Variants in NCAM2 observed in about 807,000 individuals in gnomAD.
NCAM2 encodes the protein N-CAM-2.
In NCAM2, 30 loss-of-function variants were observed where a neutral mutation model predicts 98.1. The observed-to-expected ratio is 0.31, with a 90% confidence interval of 0.23 to 0.41. The LOEUF (loss-of-function observed/expected upper bound fraction) is 0.41, where lower values mean the gene tolerates loss of function less well. NCAM2 is among the 10% of genes least tolerant of loss of function. The pLI is 1.00. For missense variants in NCAM2, 867 were observed against 1,005.8 expected, an observed-to-expected ratio of 0.86 and a Z score of 1.87; for synonymous variants, 368 against 342.4, an observed-to-expected ratio of 1.07 and a Z score of -0.83.
At chr21:21,487,291 A>G (rs1986468676) in intron 15 of NCAM2, among the ~76,000 whole-genome samples, 2 of 152,086 alleles carry the variant, frequency 1.3e-5, no homozygotes, top group Non-Finnish European at 2.9e-5. Context: ...TGGCTTTACT[A>G]TTATTTCATC....
intron 1 of NCAM2, among the ~76,000 whole-genome samples, chr21:21,197,700 G>A (rs1002567374): frequency 6.6e-6 from 1 of 152,118 alleles, no homozygotes; most frequent in Non-Finnish European, 1.5e-5. Context: ...TTTCTCTTAT[G>A]AAGGATAAGC....
chr21:21,378,045 C>T (rs965205150), intron 9 of NCAM2, among the ~76,000 whole-genome samples: 3 of 152,010 alleles, frequency 2.0e-5, no homozygotes, highest in African/African-American at 7.2e-5. Flanking sequence ...TAGTATTCCA[C>T]TGTGTATCTA....
intron 1 of NCAM2, among the ~76,000 whole-genome samples, chr21:21,179,873 A>T (rs901497562): frequency 6.6e-5 from 10 of 152,226 alleles, no homozygotes; most frequent in Non-Finnish European, 1.5e-4. Context: ...TTGATGTGTA[A>T]CAAAACAAAA....
At chr21:21,015,435 A>G (rs968761572) in intron 1 of NCAM2, among the ~76,000 whole-genome samples, 1 of 152,226 alleles carries the variant, frequency 6.6e-6, no homozygotes, top group African/African-American at 2.4e-5. Flanking sequence ...AAGACCCTCT[A>G]CCAGCTAAAG....
chr21:21,542,833 GAT>G lies in NCAM2; in HGVS notation c.*4878_*4879del, dbSNP rs1990285425. The G allele has an allele frequency of 6.6e-6, 1 of 151,822 alleles. No individual in the cohort carries two copies. The highest frequency in any genetic ancestry group is 2.1e-4 in the South Asian group (1 of 4,830). The allele number at this position is 151,822 out of a possible 1,614,324, so 9.4% of individuals were successfully genotyped here. On this transcript the variant is annotated 3_prime_UTR_variant, in exon 18 of 18. Transcript: ENST00000400546. Reference sequence around the variant, plus strand: ...TAACACAGAGGAGAAAGTTAACAGAGATAGAATCTATGATTTAATTTTGCAAA... The same window carrying G: ...TAACACAGAGGAGAAAGTTAACAGAGAGAATCTATGATTTAATTTTGCAAA...
At chr21:21,275,240 A>G (rs2072682019) in intron 1 of NCAM2, among the ~76,000 whole-genome samples, 1 of 151,756 alleles carries the variant, frequency 6.6e-6, no homozygotes, top group Non-Finnish European at 1.5e-5. Flanking sequence ...GGAGATTGAG[A>G]CCATCCTGGC....
chr21:21,260,003 A>T (rs924675184), intron 1 of NCAM2, among the ~76,000 whole-genome samples: 2 of 151,534 alleles, frequency 1.3e-5, no homozygotes, highest in African/African-American at 4.9e-5. Context: ...TAGCTATATT[A>T]AAAAAATAGA....
At chr21:21,281,866 TAG>T (rs1459998107) in intron 2 of NCAM2, among the ~76,000 whole-genome samples, 2 of 151,618 alleles carry the variant, frequency 1.3e-5, no homozygotes, top group African/African-American at 2.4e-5. Context: ...TTTATAAATA[TAG>T]AGATATAATA....
chr21:21,017,517 G>T (rs1174756269), intron 1 of NCAM2, among the ~76,000 whole-genome samples: 1 of 150,416 alleles, frequency 6.6e-6, no homozygotes, highest in African/African-American at 2.4e-5. Context: ...GATTTGAAAT[G>T]GACCGATGAG....
At position 21,284,240 on chromosome 21, in the gene NCAM2, G is replaced by C; in HGVS notation, c.177G>C (p.Glu59Asp). The change falls in exon 3 of 18, where the codon GAG becomes GAC. Residue 59 changes from glutamate to aspartate, a missense_variant. Coordinates refer to ENST00000400546, the MANE Select transcript of NCAM2 (RefSeq NM_004540.5). ...TAGATTGGTATAATCCTCAAGGAGA[G>C]AAGATAATTTCAACACAGAGGGTAG... ...ESIDWYNPQG[E>D]KIISTQRVVV... The C allele has an allele frequency of 1.2e-6, 2 of 1,612,690 alleles. No individual in the cohort carries two copies. The highest frequency in any genetic ancestry group is 1.1e-5 in the South Asian group (1 of 91,048).
At chr21:21,355,250 A>G (rs1484145414) in intron 8 of NCAM2, among the ~76,000 whole-genome samples, 2 of 151,878 alleles carry the variant, frequency 1.3e-5, no homozygotes, top group South Asian at 2.1e-4. Context: ...CCTGGCCAAC[A>G]TGGCAAAAAC....
intron 6 of NCAM2, among the ~76,000 whole-genome samples, chr21:21,330,578 C>T (rs1157813673): frequency 6.6e-6 from 1 of 151,698 alleles, no homozygotes; most frequent in African/African-American, 2.4e-5. Context: ...TGGAGAAATC[C>T]CTAATATTAA....
At chr21:21,374,265 A>G (rs193214289) in intron 9 of NCAM2, among the ~76,000 whole-genome samples, 1 of 151,910 alleles carries the variant, frequency 6.6e-6, no homozygotes, top group East Asian at 1.9e-4. Flanking sequence ...TTTTTGCAAC[A>G]TTGAACTCAA....
chr21:21,423,572 T>C (rs2077155770), intron 11 of NCAM2, among the ~76,000 whole-genome samples: 1 of 152,164 alleles, frequency 6.6e-6, no homozygotes, highest in African/African-American at 2.4e-5. Flanking sequence ...GTTAAATTCA[T>C]TTGACTTTTG....
At chr21:21,379,180 G>A (rs1401434489) in intron 9 of NCAM2, among the ~76,000 whole-genome samples, 2 of 152,048 alleles carry the variant, frequency 1.3e-5, no homozygotes, top group South Asian at 2.1e-4. Flanking sequence ...CTAAGAGTTT[G>A]ACAAAGTTGT....
chr21:21,253,258 G>A (rs1043980687), intron 1 of NCAM2, among the ~76,000 whole-genome samples: 17 of 152,180 alleles, frequency 1.1e-4, no homozygotes, highest in Non-Finnish European at 2.4e-4. Flanking sequence ...TTGAATGGAA[G>A]TGGGTTCATT....
At chr21:21,050,806 C>G (rs1184329137) in intron 1 of NCAM2, among the ~76,000 whole-genome samples, 1 of 152,100 alleles carries the variant, frequency 6.6e-6, no homozygotes, top group Non-Finnish European at 1.5e-5. Context: ...CAGTACTTGC[C>G]ATACGTAGAC....
chr21:21,048,407 C>T (rs1328895137), intron 1 of NCAM2, among the ~76,000 whole-genome samples: 1 of 151,930 alleles, frequency 6.6e-6, no homozygotes, highest in Non-Finnish European at 1.5e-5. Context: ...GACTGGAGTA[C>T]AGTGGCGCAA....
chr21:21,110,288 A>C (rs2146523950), intron 1 of NCAM2, among the ~76,000 whole-genome samples: 1 of 152,260 alleles, frequency 6.6e-6, no homozygotes, highest in East Asian at 1.9e-4. Context: ...GTTTGGCAGC[A>C]TGCTTGATAT....
Sources: allele counts gnomAD v4.1 joint callset (sites outside exome capture counted in the v4.1 genomes callset), GRCh38; gene constraint gnomAD v4.1.1; transcripts MANE v1.5; gene names NCBI Gene and HGNC (gene_info 2026-07-23, HGNC 2026-07-21).